Variants in NF2 observed in about 807,000 individuals in gnomAD.
NF2 encodes NF2, moesin-ezrin-radixin like (MERLIN) tumor suppressor.
In NF2, 8 loss-of-function variants were observed where a neutral mutation model predicts 83.7. That is an observed-to-expected ratio of 0.10 (90% CI 0.06 to 0.17). The LOEUF (loss-of-function observed/expected upper bound fraction) is 0.17. Among genes scored for constraint, NF2 ranks in the 10% least tolerant of loss-of-function variants. The pLI is 1.00. For synonymous variants in NF2, 266 were observed against 269.6 expected (o/e 0.99, Z 0.13); for missense variants, 533 against 744.4 (o/e 0.72, Z 3.31).
rs1048931832 is a variant in NF2, at chr22:29,698,154, G to T, written c.*3352G>T. On this transcript the variant is annotated 3_prime_UTR_variant, in exon 16 of 16. Coordinates refer to ENST00000338641, the MANE Select transcript of NF2 (RefSeq NM_000268.4). ...TCAGCCACAGCAGTCCCCCCAACCTGTGTTGTCCACCCTATTATTCATGTA... is the reference window on the plus strand; with the variant it reads ...TCAGCCACAGCAGTCCCCCCAACCTTTGTTGTCCACCCTATTATTCATGTA... The T allele has an allele frequency of 4.3e-6, 1 of 232,486 alleles. No homozygotes were observed. Among genetic ancestry groups the T allele is most frequent in the Non-Finnish European group, 8.5e-6 (1 of 117,538 alleles). 14.4% of individuals were successfully genotyped at this position (232,486 alleles called of 1,614,324 possible). A position where few individuals can be genotyped will look rare whatever the true frequency, so the allele number is the denominator to read the frequency against.
At chr22:29,637,123 G>C (rs1284372231) in intron 2 of NF2, among the ~76,000 whole-genome samples, 1 of 152,176 alleles carries the variant, frequency 6.6e-6, no homozygotes, top group Non-Finnish European at 1.5e-5. Context: ...TTTACCCATT[G>C]TTACCAGCCT....
chr22:29,644,885 T>C (rs2530666), intron 4 of NF2, among the ~76,000 whole-genome samples: 116,782 of 151,612 alleles, frequency 0.77, 45,130 homozygotes, highest in Middle Eastern at 0.84. Context: ...AGTCCAGCTT[T>C]GGCTCGGCAT....
At chr22:29,678,097 C>T in intron 13 of NF2, 99 bp from the exon 14 acceptor site, 1 of 1,536,238 alleles carries the variant, frequency 6.5e-7, no homozygotes. Flanking sequence ...GAGTTGTGCC[C>T]ATTGCCTCTG....
At chr22:29,683,057 C>T (rs1301659058) in intron 15 of NF2, 1 of 1,614,062 alleles carries the variant, frequency 6.2e-7, no homozygotes, top group Non-Finnish European at 8.5e-7. Flanking sequence ...TGCATTTGAG[C>T]CCTCAAAGTA....
At chr22:29,692,896 C>T (rs1028243431) in intron 15 of NF2, among the ~76,000 whole-genome samples, 2 of 152,226 alleles carry the variant, frequency 1.3e-5, no homozygotes, top group Non-Finnish European at 2.9e-5. Context: ...GCTGCCATCA[C>T]GCCCGCTTCA....
At chr22:29,674,538 G>T (rs1351537181) in intron 12 of NF2, among the ~76,000 whole-genome samples, 1 of 152,192 alleles carries the variant, frequency 6.6e-6, no homozygotes, top group African/African-American at 2.4e-5. Flanking sequence ...GAAAGCTGCT[G>T]GTGCCCTCTC....
At chr22:29,649,615 G>A (rs2066085954) in intron 4 of NF2, among the ~76,000 whole-genome samples, 1 of 152,096 alleles carries the variant, frequency 6.6e-6, no homozygotes, top group Admixed American at 6.6e-5. Context: ...GGTGGCATAT[G>A]CCTGTAATCC....
At chr22:29,625,739 G>A (rs2065350124) in intron 1 of NF2, among the ~76,000 whole-genome samples, 1 of 152,236 alleles carries the variant, frequency 6.6e-6, no homozygotes, top group African/African-American at 2.4e-5. Context: ...GCTTGTCCTA[G>A]TGCAGGAATC....
rs571403985 is a variant in NF2, at chr22:29,649,495, A to G, written c.448-5162A>G. On this transcript the variant is annotated intron_variant, in intron 4 of 15. Coordinates refer to ENST00000338641, the MANE Select transcript of NF2 (RefSeq NM_000268.4). ...GGTGGGAGGATAGCTTGAGCCCAGG[A>G]GTTCGAGACCTGCCTGGGCAATATA... Among the ~76,000 whole-genome samples, 9 of 152,332 alleles carry G rather than the reference A, an allele frequency of 5.9e-5. No homozygotes were observed. The East Asian group carries it at 1.7e-3, about 29-fold the overall frequency.
chr22:29,655,260 T>G (rs1870804330), intron 5 of NF2, among the ~76,000 whole-genome samples: 1 of 152,224 alleles, frequency 6.6e-6, no homozygotes, highest in Non-Finnish European at 1.5e-5. Context: ...CGATGGCTTC[T>G]GAGCATGTGA....
intron 1 of NF2, among the ~76,000 whole-genome samples, chr22:29,614,187 T>C (rs1183678840): frequency 6.6e-6 from 1 of 150,670 alleles, no homozygotes; most frequent in Non-Finnish European, 1.5e-5. Context: ...CTCACACCTG[T>C]AATCCCAGCA....
At chr22:29,611,514 G>A (rs1371404966) in intron 1 of NF2, among the ~76,000 whole-genome samples, 1 of 152,120 alleles carries the variant, frequency 6.6e-6, no homozygotes, top group African/African-American at 2.4e-5. Flanking sequence ...GGGCGACAGA[G>A]CTCAAAACAA....
chr22:29,629,147 A>G lies in NF2; in HGVS notation c.115-7604A>G, dbSNP rs1601564847. Among the ~76,000 whole-genome samples the G allele has an allele frequency of 3.3e-5, 5 of 151,918 alleles. 1 individual carries two copies. The highest frequency in any genetic ancestry group is 3.3e-4 in the Admixed American group (5 of 15,246). Reference sequence around the variant, plus strand: ...GAGAATAATGGCTGAGGTGTGGTGTATCCTTTAATTTTGAAAGGAAACGGC... The same window carrying G: ...GAGAATAATGGCTGAGGTGTGGTGTGTCCTTTAATTTTGAAAGGAAACGGC... On this transcript the variant is annotated intron_variant, in intron 1 of 15. Transcript: ENST00000338641.
At chr22:29,660,243 G>A (rs913442347) in intron 7 of NF2, among the ~76,000 whole-genome samples, 1 of 152,224 alleles carries the variant, frequency 6.6e-6, no homozygotes, top group Non-Finnish European at 1.5e-5. Flanking sequence ...TGCTCTGACT[G>A]CTGGCCAGGA....
At chr22:29,651,903 A>C (rs2066159015) in intron 4 of NF2, among the ~76,000 whole-genome samples, 1 of 152,204 alleles carries the variant, frequency 6.6e-6, no homozygotes, top group African/African-American at 2.4e-5. Context: ...TGCAACTAAC[A>C]GGGCTTTCTT....
At chr22:29,645,703 T>TAC (rs1569287553) in intron 4 of NF2, among the ~76,000 whole-genome samples, 1 of 152,174 alleles carries the variant, frequency 6.6e-6, no homozygotes. Context: ...TCTCAAAGGC[T>TAC]ACATTTTCTT....
chr22:29,645,091 T>C (rs1401749227), intron 4 of NF2, among the ~76,000 whole-genome samples: 1 of 152,248 alleles, frequency 6.6e-6, no homozygotes, highest in Non-Finnish European at 1.5e-5. Flanking sequence ...AACTCACTTT[T>C]TGGGGTAGAT....
chr22:29,609,047 G>A, intron 1 of NF2: 1 of 726,440 alleles, frequency 1.4e-6, no homozygotes. Flanking sequence ...GTCCAAGCCA[G>A]AACAGTGGGT....
intron 1 of NF2, among the ~76,000 whole-genome samples, chr22:29,632,579 C>T (rs1052612238): frequency 1.3e-5 from 2 of 152,132 alleles, no homozygotes; most frequent in African/African-American, 4.8e-5. Context: ...TTCTTTTTCC[C>T]CATTTGTCCC....
Sources: allele counts gnomAD v4.1 joint callset (sites outside exome capture counted in the v4.1 genomes callset), GRCh38; gene constraint gnomAD v4.1.1; transcripts MANE v1.5; gene names NCBI Gene and HGNC (gene_info 2026-07-23, HGNC 2026-07-21).